Variants in HHLA2 observed in about 807,000 individuals in gnomAD.
HHLA2 encodes the protein HHLA2 member of B7 family.
HHLA2 carries 48 observed loss-of-function variants against 45.9 expected under a neutral mutation model. The observed-to-expected ratio is 1.05, with a 90% CI of 0.83 to 1.33. The LOEUF is 1.33. Among genes scored for constraint, HHLA2 ranks in the 40% most tolerant of loss-of-function variants. The pLI, the probability that HHLA2 is intolerant of heterozygous loss-of-function variation, is 0.00. For synonymous variants in HHLA2, 161 were observed against 173.9 expected, an observed-to-expected ratio of 0.93 and a Z score of 0.59; for missense variants, 462 against 494.3, an observed-to-expected ratio of 0.93 and a Z score of 0.62.
chr3:108,322,119 G>A (rs2081213028), intron 2 of HHLA2, among the ~76,000 whole-genome samples: 1 of 152,070 alleles, frequency 6.6e-6, no homozygotes. Flanking sequence ...CTTTCCTCAG[G>A]GTATCTGGTA....
chr3:108,328,528 A>T (rs2081329876), intron 3 of HHLA2, among the ~76,000 whole-genome samples: 1 of 152,188 alleles, frequency 6.6e-6, no homozygotes, highest in Non-Finnish European at 1.5e-5. Context: ...TGAGGCAAAA[A>T]GGAGTTAGGT....
At chr3:108,369,202 T>C (rs1401171042) in intron 8 of HHLA2, among the ~76,000 whole-genome samples, 2 of 152,096 alleles carry the variant, frequency 1.3e-5, no homozygotes, top group Non-Finnish European at 2.9e-5. Context: ...CGTACCAGAA[T>C]CTCTGGGACG....
At chr3:108,310,207 G>T (rs1448023622) in intron 1 of HHLA2, among the ~76,000 whole-genome samples, 1 of 151,980 alleles carries the variant, frequency 6.6e-6, no homozygotes, top group East Asian at 1.9e-4. Context: ...TTTCCAGAGA[G>T]AAATTAGGCT....
chr3:108,320,470 C>T (rs1440030716), intron 2 of HHLA2, among the ~76,000 whole-genome samples: 3 of 152,160 alleles, frequency 2.0e-5, no homozygotes, highest in Admixed American at 2.0e-4. Context: ...TTGCACCAAC[C>T]TAATAGAATC....
chr3:108,325,988 T>G, intron 2 of HHLA2: 1 of 345,936 alleles, frequency 2.9e-6, no homozygotes, highest in Non-Finnish European at 5.6e-6. Context: ...CAGGGAGTCA[T>G]GGTCATCAAA....
intron 10 of HHLA2, 38 bp from the exon 10 acceptor site, chr3:108,377,220 A>C: frequency 1.4e-6 from 2 of 1,380,558 alleles, no homozygotes; most frequent in Non-Finnish European, 2.0e-6. Context: ...TTCTGACTTG[A>C]ACAACAGACA....
At chr3:108,328,136 G>T in intron 2 of HHLA2, 1 of 418,468 alleles carries the variant, frequency 2.4e-6, no homozygotes, top group Non-Finnish European at 4.2e-6. Context: ...CTGTCTCGAA[G>T]AAAAAAAAAA....
In HHLA2 at chr3:108,357,860, G is replaced by T. The variant is rs550649314; in HGVS notation, c.702G>T (p.Met234Ile). 86 of 1,605,756 alleles carry T rather than the reference G, an allele frequency of 5.4e-5. 1 individual carries two copies. The South Asian group carries it at 9.0e-4, about 17-fold the overall frequency. ...TGTTGTTAGATGGCCTTCATAAAAT[G>T]CAAAGTGAACACGTTTCACTCTCAT... The change falls in exon 7 of 11, where the codon ATG becomes ATT. Residue 234 changes from methionine to isoleucine, a missense_variant. Physicochemically the swap from Met to Ile is conservative, Grantham distance 10. Transcript: ENST00000619531.
At chr3:108,304,329 A>G (rs1479967771) in intron 1 of HHLA2, among the ~76,000 whole-genome samples, 1 of 152,192 alleles carries the variant, frequency 6.6e-6, no homozygotes, top group East Asian at 1.9e-4. Context: ...TGAAGGCTAG[A>G]AGTCCAAAAT....
intron 3 of HHLA2, among the ~76,000 whole-genome samples, chr3:108,339,407 G>A (rs1461272833): frequency 6.6e-6 from 1 of 152,132 alleles, no homozygotes; most frequent in Non-Finnish European, 1.5e-5. Flanking sequence ...ACTTAATTTA[G>A]TCTTGACTTT....
chr3:108,310,235 T>C (rs2080996859), intron 1 of HHLA2, among the ~76,000 whole-genome samples: 1 of 152,198 alleles, frequency 6.6e-6, no homozygotes, highest in African/African-American at 2.4e-5. Flanking sequence ...TAAAAGATGT[T>C]ATATTAGTCC....
intron 8 of HHLA2, among the ~76,000 whole-genome samples, chr3:108,367,231 A>G (rs533761504): frequency 1.3e-5 from 2 of 152,328 alleles, no homozygotes; most frequent in South Asian, 4.1e-4. Flanking sequence ...AAGGTAGATA[A>G]ATAAATGAAG....
At chr3:108,375,887 G>T in intron 9 of HHLA2, 87 bp downstream of exon 8, 1 of 1,509,162 alleles carries the variant, frequency 6.6e-7, no homozygotes, top group Non-Finnish European at 9.0e-7. Context: ...TCACAGTATT[G>T]GCCACTTTAA....
intron 8 of HHLA2, among the ~76,000 whole-genome samples, chr3:108,363,646 T>G (rs1203871973): frequency 6.6e-6 from 1 of 152,192 alleles, no homozygotes; most frequent in Non-Finnish European, 1.5e-5. Flanking sequence ...ACAGGCAGTC[T>G]AGCCTGTCCA....
intron 4 of HHLA2, among the ~76,000 whole-genome samples, chr3:108,352,476 C>T (rs2081798909): frequency 6.6e-6 from 1 of 152,200 alleles, no homozygotes; most frequent in Non-Finnish European, 1.5e-5. Flanking sequence ...GTTCTTCCAT[C>T]TTGGGTGGCC....
chr3:108,304,823 T>A (rs1302420407), intron 1 of HHLA2, among the ~76,000 whole-genome samples: 1 of 152,196 alleles, frequency 6.6e-6, no homozygotes, highest in Non-Finnish European at 1.5e-5. Context: ...GGGTACAGCA[T>A]CATTCTTGTT....
intron 1 of HHLA2, among the ~76,000 whole-genome samples, chr3:108,309,675 G>GC (rs752307443): frequency 4.6e-5 from 7 of 152,016 alleles, no homozygotes; most frequent in Non-Finnish European, 8.8e-5. Flanking sequence ...CAGGTGTAGT[G>GC]CCCTTATCAC....
intron 3 of HHLA2, among the ~76,000 whole-genome samples, chr3:108,341,584 T>TCACAACA (rs1411091469): frequency 7.4e-6 from 1 of 135,334 alleles, no homozygotes; most frequent in Non-Finnish European, 1.6e-5. Flanking sequence ...AGACATTTGT[T>TCACAACA]TTTCATTGAT....
intron 7 of HHLA2, among the ~76,000 whole-genome samples, chr3:108,358,432 T>G (rs2081935146): frequency 6.6e-6 from 1 of 152,174 alleles, no homozygotes; most frequent in African/African-American, 2.4e-5. Flanking sequence ...GATGACTCCA[T>G]GCGCTGAGCA....
Sources: gnomAD v4.1 joint callset for allele counts (sites outside exome capture counted in the v4.1 genomes callset) on GRCh38, gnomAD v4.1.1 for gene constraint, MANE v1.5 for transcripts, NCBI Gene and HGNC (gene_info 2026-07-23, HGNC 2026-07-21) for gene names.